RNGTT: variants seen among roughly 807,000 people sequenced by gnomAD.
The protein encoded by RNGTT is RNA guanylyltransferase and 5'-phosphatase.
In RNGTT, 33 loss-of-function variants were observed where a neutral mutation model predicts 79.3. The observed-to-expected ratio is 0.42, with a 90% CI of 0.32 to 0.56. The LOEUF (loss-of-function observed/expected upper bound fraction) is 0.56. RNGTT is among the 20% of genes least tolerant of loss of function. RNGTT has a pLI of 0.17. For synonymous variants in RNGTT, 222 were observed against 235.9 expected (o/e 0.94, Z 0.54); for missense variants, 497 against 739.1 (o/e 0.67, Z 3.80).
intron 14 of RNGTT, among the ~76,000 whole-genome samples, chr6:88,634,338 CT>C (rs1052496901): frequency 2.0e-5 from 3 of 152,082 alleles, no homozygotes; most frequent in African/African-American, 7.2e-5. Flanking sequence ...CCTAAATTTC[CT>C]TCTTAAAATA....
intron 13 of RNGTT, among the ~76,000 whole-genome samples, chr6:88,745,412 C>T (rs9344853): frequency 0.14 from 21,122 of 152,172 alleles, 1,610 homozygotes; most frequent in Middle Eastern, 0.24. Flanking sequence ...TCAGATGTTG[C>T]ACTCACAGTT....
intron 12 of RNGTT, among the ~76,000 whole-genome samples, chr6:88,771,824 T>C (rs1254774505): frequency 6.6e-6 from 1 of 152,044 alleles, no homozygotes; most frequent in Non-Finnish European, 1.5e-5. Flanking sequence ...AAAATTCAGT[T>C]TTGCTTCTAT....
At chr6:88,833,669 CA>C (rs1372736160) in intron 11 of RNGTT, among the ~76,000 whole-genome samples, 1 of 152,198 alleles carries the variant, frequency 6.6e-6, no homozygotes, top group African/African-American at 2.4e-5. Flanking sequence ...TTCACAATCA[CA>C]GAACAATTAA....
rs191134666 is a variant in RNGTT at position 88,624,241 on chromosome 6, A to G, written c.1507-9846T>C. 5.7e-4 allele frequency among the ~76,000 whole-genome samples: 87 copies of G among 152,058 alleles called. 1 individual carries two copies. Among genetic ancestry groups the G allele is most frequent in the African/African-American group, 2.1e-3 (86 of 41,552 alleles). ...AAGGATTTTTTAATGGATATCAACA[A>G]CCTGATTTATGTGGAAAGCCAAAGA... On this transcript the variant is annotated intron_variant, in intron 14 of 15. Transcript: ENST00000369485.
chr6:88,859,711 G>A lies in RNGTT; in HGVS notation c.897-5947C>T, dbSNP rs79646865. On this transcript the variant is annotated intron_variant, in intron 8 of 15. Transcript: ENST00000369485. ...TCTCTGAGAGGAAACAGCAAGACTG[G>A]TGCAGAGAGTGACAAAAGAAGTTGG... Among the ~76,000 whole-genome samples, 847 of 152,246 alleles carry A rather than the reference G, an allele frequency of 5.6e-3. 7 individuals carry two copies. Among genetic ancestry groups the A allele is most frequent in the African/African-American group, 0.018 (734 of 41,504 alleles).
At chr6:88,826,854 G>GTATA (rs1554221332) in intron 11 of RNGTT, among the ~76,000 whole-genome samples, 47 of 138,340 alleles carry the variant, frequency 3.4e-4, no homozygotes, top group African/African-American at 1.2e-3. Context: ...ATGTGTGTGT[G>GTATA]TATATATATA....
chr6:88,878,756 C>A (rs1191507272), intron 8 of RNGTT, among the ~76,000 whole-genome samples: 2 of 151,934 alleles, frequency 1.3e-5, no homozygotes, highest in Non-Finnish European at 2.9e-5. Flanking sequence ...AAACTAGAGC[C>A]AAAAAGAAAT....
rs67058652 is a variant in RNGTT, at chr6:88,696,601, T to TACACACACACACACAC, written c.1440-18198_1440-18183dup. Among the ~76,000 whole-genome samples, 176 of 147,584 alleles carry TACACACACACACACAC rather than the reference T, an allele frequency of 1.2e-3. 1 individual carries two copies. The East Asian group carries it at 0.013, about 11-fold the overall frequency. On this transcript the variant is annotated intron_variant, in intron 13 of 15. Transcript: ENST00000369485. ...TGCAGGATGAACAGAAATCCTGAAG[T>TACACACACACACACAC]ACACACACACACACACACACACACA...
intron 11 of RNGTT, among the ~76,000 whole-genome samples, chr6:88,839,482 A>G (rs1275217694): frequency 6.6e-6 from 1 of 151,984 alleles, no homozygotes; most frequent in Non-Finnish European, 1.5e-5. Flanking sequence ...AGTTGGGAGG[A>G]TTGTTTGAGT....
intron 13 of RNGTT, among the ~76,000 whole-genome samples, chr6:88,712,162 G>A (rs1776340953): frequency 1.3e-5 from 2 of 152,154 alleles, no homozygotes; most frequent in Non-Finnish European, 2.9e-5. Flanking sequence ...TAGGCAAAGT[G>A]TAAAACACTT....
intron 10 of RNGTT, among the ~76,000 whole-genome samples, chr6:88,847,402 T>C (rs1441421274): frequency 1.3e-5 from 2 of 152,130 alleles, no homozygotes; most frequent in African/African-American, 4.8e-5. Flanking sequence ...GACAAGCTAA[T>C]AAACTAAGGG....
In RNGTT at chr6:88,646,335, A is replaced by G. The variant is rs529627805; in HGVS notation, c.1507-31940T>C. ...TTAGAATGGCGATCATTAAAAAGTC[A>G]GGAAACAATAGGTGCTGGAGAGGAT... is the stretch of plus-strand genomic sequence containing the variant. On this transcript the variant is annotated intron_variant, in intron 14 of 15. Coordinates refer to ENST00000369485, the MANE Select transcript of RNGTT (RefSeq NM_003800.5). 2.0e-5 allele frequency among the ~76,000 whole-genome samples: 3 copies of G among 152,344 alleles called. No individual in the cohort carries two copies. In the East Asian group the frequency reaches 5.8e-4, roughly 29 times the overall value.
At chr6:88,734,881 C>A (rs1228322936) in intron 13 of RNGTT, among the ~76,000 whole-genome samples, 1 of 152,104 alleles carries the variant, frequency 6.6e-6, no homozygotes, top group Non-Finnish European at 1.5e-5. Flanking sequence ...TAAGCTAATG[C>A]AAGTGCTCTG....
At chr6:88,888,150 G>GA (rs1033892175) in intron 8 of RNGTT, among the ~76,000 whole-genome samples, 102 of 145,274 alleles carry the variant, frequency 7.0e-4, no homozygotes, top group African/African-American at 1.8e-3. Context: ...AATTTCAACA[G>GA]AAAAAAAAAA....
At chr6:88,677,310 C>A in intron 14 of RNGTT, among the ~76,000 whole-genome samples, 2 of 145,070 alleles carry the variant, frequency 1.4e-5, no homozygotes, top group African/African-American at 5.1e-5. Flanking sequence ...AAAGGAAGGG[C>A]AGGAGGGGGA....
chr6:88,618,942 TAAGA>T (rs986797196), intron 14 of RNGTT, among the ~76,000 whole-genome samples: 2 of 152,238 alleles, frequency 1.3e-5, no homozygotes, highest in African/African-American at 4.8e-5. Context: ...AGTTCTTCCA[TAAGA>T]AAGATTTGTC....
chr6:88,885,118 T>TCACACACACACA (rs150058750), intron 8 of RNGTT, among the ~76,000 whole-genome samples: 10 of 149,054 alleles, frequency 6.7e-5, no homozygotes, highest in African/African-American at 2.5e-4. Flanking sequence ...ATGTATATAC[T>TCACACACACACA]CACACACACA....
chr6:88,931,187 T>TAAAAAAAAAAAAAAAAAAA (rs34070183), intron 2 of RNGTT, among the ~76,000 whole-genome samples: 1 of 101,938 alleles, frequency 9.8e-6, no homozygotes. Context: ...TATAAAGCTG[T>TAAAAAAAAAAAAAAAAAAA]AAAAAAAAAA....
At chr6:88,938,887 T>C (rs1784754905) in intron 2 of RNGTT, among the ~76,000 whole-genome samples, 1 of 152,196 alleles carries the variant, frequency 6.6e-6, no homozygotes, top group Non-Finnish European at 1.5e-5. Context: ...ATAACTTTGC[T>C]GGGTATGGTA....
Sources: allele counts gnomAD v4.1 joint callset (sites outside exome capture counted in the v4.1 genomes callset), GRCh38; gene constraint gnomAD v4.1.1; transcripts MANE v1.5; gene names NCBI Gene and HGNC (gene_info 2026-07-23, HGNC 2026-07-21).